Variants in SLC47A1 observed in about 807,000 individuals in gnomAD.
SLC47A1 encodes multidrug and toxin extrusion protein 1.
A neutral mutation model predicts 65.8 loss-of-function variants in SLC47A1; 58 were observed. The ratio of observed to expected loss-of-function variants is 0.88; its 90% CI spans 0.71 to 1.10. The LOEUF (loss-of-function observed/expected upper bound fraction) is 1.10. Ranked by LOEUF, SLC47A1 falls within the 50% of genes least tolerant of loss-of-function variation. The pLI is 0.00. For missense variants in SLC47A1, 706 were observed against 719.2 expected, an observed-to-expected ratio of 0.98 and a Z score of 0.21; for synonymous variants, 285 against 295.0, an observed-to-expected ratio of 0.97 and a Z score of 0.35.
In SLC47A1 at chr17:19,555,243, T is replaced by C. The variant is rs778008332; in HGVS notation, c.575T>C (p.Val192Ala). Residue 192 changes from valine (V) to alanine (A), a missense_variant, in exon 7 of 17, where the codon GTT (valine) becomes GCT (alanine). Coordinates refer to ENST00000270570, the MANE Select transcript of SLC47A1 (RefSeq NM_018242.3). ...GTACTGCCCCAGATCGTAACTGGAG[T>C]TGCAGCCAACCTTGTCAATGCCCTC... is the stretch of plus-strand genomic sequence containing the variant. ...GIVLPQIVTG[V>A]AANLVNALAN... 6.2e-7 allele frequency: 1 copy of C among 1,613,982 alleles called. No individual in the cohort carries two copies. The highest frequency in any genetic ancestry group is 1.1e-5 in the South Asian group (1 of 91,076).
At position 19,542,433 on chromosome 17, in the gene SLC47A1, G is replaced by A. The variant is rs548651981; in HGVS notation, c.176G>A (p.Ser59Asn). The change falls in exon 2 of 17, where the codon AGC becomes AAC. Residue 59 changes from serine to asparagine, a missense_variant. By Grantham distance (46) the Ser-to-Asn change is conservative. Transcript: ENST00000270570. ...ATGGTGTTCCTGATCAGCTTCATAAGCTCCGTGTTCTGTGGCCACCTGGGC... is the reference window on the plus strand; with the variant it reads ...ATGGTGTTCCTGATCAGCTTCATAAACTCCGTGTTCTGTGGCCACCTGGGC... The part of the protein sequence containing the change: ...QLMVFLISFI[S>N]SVFCGHLGKL... 164 of 1,611,908 alleles carry A rather than the reference G, an allele frequency of 1.0e-4. 3 individuals carry two copies. In the South Asian group the frequency reaches 1.7e-3, roughly 17 times the overall value.
At chr17:19,551,584 C>A in intron 6 of SLC47A1, 116 bp downstream of exon 6, 1 of 829,886 alleles carries the variant, frequency 1.2e-6, no homozygotes, top group Non-Finnish European at 2.0e-6. Flanking sequence ...GAGCTCACTG[C>A]TGGGAGCCAC....
chr17:19,551,311 G>A (rs552808718), intron 5 of SLC47A1, 113 bp from the exon 6 acceptor site: 74 of 926,650 alleles, frequency 8.0e-5, no homozygotes, highest in South Asian at 6.5e-4. Flanking sequence ...GGCTCCGTGC[G>A]GGAGCAGAGG....
chr17:19,561,351 A>T (rs1217060303), intron 12 of SLC47A1, among the ~76,000 whole-genome samples: 1 of 151,752 alleles, frequency 6.6e-6, no homozygotes, highest in Non-Finnish European at 1.5e-5. Flanking sequence ...CATTTGCAAG[A>T]TCAGAGGCTC....
chr17:19,565,837 T>TC (rs1284408037), intron 12 of SLC47A1, among the ~76,000 whole-genome samples: 3 of 152,114 alleles, frequency 2.0e-5, no homozygotes, highest in African/African-American at 7.2e-5. Flanking sequence ...CGCCTCGGCC[T>TC]CCCAAAGTGC....
chr17:19,576,131 C>T (rs2084437561), intron 16 of SLC47A1, among the ~76,000 whole-genome samples: 1 of 151,142 alleles, frequency 6.6e-6, no homozygotes, highest in Non-Finnish European at 1.5e-5. Context: ...GGCAATTGTT[C>T]TTCTTGGTGG....
intron 16 of SLC47A1, among the ~76,000 whole-genome samples, 182 bp downstream of exon 16, chr17:19,573,043 A>G (rs2084412496): frequency 6.6e-6 from 1 of 152,246 alleles, no homozygotes; most frequent in African/African-American, 2.4e-5. Flanking sequence ...CATTCCACAC[A>G]TTAGTAAACC....
At chr17:19,547,886 C>A in intron 3 of SLC47A1, 99 bp from the exon 4 acceptor site, 1 of 1,400,260 alleles carries the variant, frequency 7.1e-7, no homozygotes, top group Non-Finnish European at 9.6e-7. Context: ...CCTTATCCAG[C>A]CAACCTGCTT....
At chr17:19,548,679 T>C (rs1227266683) in intron 4 of SLC47A1, among the ~76,000 whole-genome samples, 1 of 152,144 alleles carries the variant, frequency 6.6e-6, no homozygotes, top group South Asian at 2.1e-4. Context: ...TTTGTACTTT[T>C]AGTAGAGACG....
intron 10 of SLC47A1, among the ~76,000 whole-genome samples, chr17:19,556,355 A>G (rs960511339): frequency 2.0e-5 from 3 of 152,070 alleles, no homozygotes; most frequent in Non-Finnish European, 4.4e-5. Context: ...ATACTTTTAG[A>G]ATCTTTTTCA....
At chr17:19,563,451 G>C (rs2084331407) in intron 12 of SLC47A1, among the ~76,000 whole-genome samples, 1 of 151,806 alleles carries the variant, frequency 6.6e-6, no homozygotes, top group Non-Finnish European at 1.5e-5. Context: ...ATTTTAAAAT[G>C]TCAAAAAGCA....
rs1437713954 is a variant in SLC47A1, at chr17:19,556,028, C to T, written c.887C>T (p.Ser296Phe). 1 of 1,614,168 alleles carries T rather than the reference C, an allele frequency of 6.2e-7. No individual in the cohort carries two copies. Among genetic ancestry groups the T allele is most frequent in the Non-Finnish European group, 8.5e-7 (1 of 1,180,034 alleles). The change falls in exon 10 of 17, where the codon TCC becomes TTC. Residue 296 changes from serine to phenylalanine, a missense_variant. Transcript: ENST00000270570. Reference sequence around the variant, plus strand: ...GGCATGGTGGAGCTGGGCGCTCAGTCCATCGTGTATGAACTGGCCATCATT... The same window carrying T: ...GGCATGGTGGAGCTGGGCGCTCAGTTCATCGTGTATGAACTGGCCATCATT... ...ILGMVELGAQ[S>F]IVYELAIIVY... is the part of the protein sequence containing the mutation.
At chr17:19,542,859 T>TCGGCTCACTGCAACCTCTGC (rs1472878210) in intron 2 of SLC47A1, among the ~76,000 whole-genome samples, 5 of 151,236 alleles carry the variant, frequency 3.3e-5, no homozygotes, top group Non-Finnish European at 7.4e-5. Context: ...TGGTGCGATC[T>TCGGCTCACTGCAACCTCTGC]CGGCTCACTG....
chr17:19,561,642 CAAA>C (rs60772908), intron 12 of SLC47A1, among the ~76,000 whole-genome samples: 16 of 58,660 alleles, frequency 2.7e-4, no homozygotes, highest in Admixed American at 3.9e-4. Context: ...GACTCTGTCT[CAAA>C]AAAAAAAAAA....
chr17:19,562,888 C>T (rs974196222), intron 12 of SLC47A1, among the ~76,000 whole-genome samples: 3 of 152,052 alleles, frequency 2.0e-5, no homozygotes, highest in African/African-American at 7.3e-5. Context: ...AAGAGATGAA[C>T]CTCTACCTAA....
At position 19,577,466 on chromosome 17, in the gene SLC47A1, G is replaced by A. The variant is rs1195736336; in HGVS notation, c.1626G>A (p.Leu542=). The A allele has an allele frequency of 6.2e-7, 1 of 1,614,180 alleles. No homozygotes were observed. The highest frequency in any genetic ancestry group is 8.5e-7 in the Non-Finnish European group (1 of 1,180,030). Residue 542 remains leucine (L), a synonymous_variant, in exon 17 of 17, where the codon CTG becomes CTA. Transcript: ENST00000270570. ...QDGAKLSRKQ[L]VLRRGLLLLG... is the part of the protein sequence containing the mutation. ...GCGCTAAATTGTCCAGGAAACAGCT[G>A]GTGCTGCGGCGAGGGCTTCTGCTCC... is the stretch of plus-strand genomic sequence containing the variant.
chr17:19,569,793 C>A (rs1331839902), intron 14 of SLC47A1, among the ~76,000 whole-genome samples: 2 of 152,200 alleles, frequency 1.3e-5, no homozygotes, highest in Admixed American at 1.3e-4. Context: ...TCATAACTTT[C>A]AAATTATAGC....
At position 19,555,890 on chromosome 17, in the gene SLC47A1, G is replaced by T; in HGVS notation, c.834G>T (p.Glu278Asp). 1 of 1,614,048 alleles carries T rather than the reference G, an allele frequency of 6.2e-7. No homozygotes were observed. The highest frequency in any genetic ancestry group is 8.5e-7 in the Non-Finnish European group (1 of 1,180,034). ...LMLCMEWWAY[E>D]VGSFLSGILG... ...TGTGCATGGAGTGGTGGGCCTATGA[G>T]GTCGGGAGCTTCCTCAGTGGTCTGT... is the stretch of plus-strand genomic sequence containing the variant. The change falls in exon 9 of 17, where the codon GAG becomes GAT. Residue 278 changes from glutamate (E) to aspartate (D), a missense_variant. Glu to Asp is a conservative substitution (Grantham distance 45). Coordinates refer to ENST00000270570, the MANE Select transcript of SLC47A1 (RefSeq NM_018242.3).
At chr17:19,543,068 A>T (rs1224813111) in intron 2 of SLC47A1, among the ~76,000 whole-genome samples, 1 of 149,860 alleles carries the variant, frequency 6.7e-6, no homozygotes, top group Non-Finnish European at 1.5e-5. Flanking sequence ...CTGGGATTAC[A>T]GGTATGAGCC....
Sources: allele counts gnomAD v4.1 joint callset (sites outside exome capture counted in the v4.1 genomes callset), GRCh38; gene constraint gnomAD v4.1.1; transcripts MANE v1.5; gene names NCBI Gene and HGNC (gene_info 2026-07-23, HGNC 2026-07-21).